The following PHLDB1 variants were observed in gnomAD, a reference collection of about 807,000 sequenced individuals.
The protein encoded by PHLDB1 is pleckstrin homology-like domain family B member 1.
Under a neutral mutation model 139.3 loss-of-function variants are expected in PHLDB1, and 65 were observed. The observed-to-expected ratio is 0.47, with a 90% CI of 0.38 to 0.57. The LOEUF is 0.57. Ranked by LOEUF, PHLDB1 falls within the 20% of genes least tolerant of loss-of-function variation. PHLDB1 has a pLI of 0.00. For missense variants in PHLDB1, 1,624 were observed against 1,839.7 expected, an observed-to-expected ratio of 0.88 and a Z score of 2.14; for synonymous variants, 679 against 734.5, an observed-to-expected ratio of 0.92 and a Z score of 1.22.
chr11:118,653,370 C>T (rs1356197572), intron 20 of PHLDB1: 7 of 152,096 alleles, frequency 4.6e-5, no homozygotes, highest in Admixed American at 2.6e-4. Context: ...GGAAGCCTTT[C>T]CTGACCCCAC....
At chr11:118,625,921 G>T (rs377017891) in intron 5 of PHLDB1, among the ~76,000 whole-genome samples, 2 of 152,116 alleles carry the variant, frequency 1.3e-5, no homozygotes, top group South Asian at 4.1e-4. Context: ...CAGTCCTCTG[G>T]GGGCTCAGAA....
At position 118,628,602 on chromosome 11, in the gene PHLDB1, C is replaced by T; in HGVS notation, c.1779C>T (p.His593=). The stretch of plus-strand genomic sequence containing the variant: ...ATGAGGACGACCTCCTGGAGTACCA[C>T]CGGCGACAGCGCCAAGAGCGGCTCC... ...SDNEDDLLEY[H]RRQRQERLRE... is the part of the protein sequence containing the mutation. Residue 593 remains histidine, a synonymous_variant, in exon 6 of 23, where the codon CAC becomes CAT. Coordinates refer to ENST00000600882, the MANE Select transcript of PHLDB1 (RefSeq NM_001144758.3). 1 of 1,612,372 alleles carries T rather than the reference C, an allele frequency of 6.2e-7. No homozygotes were observed. The highest frequency in any genetic ancestry group is 1.3e-5 in the African/African-American group (1 of 75,038).
intron 5 of PHLDB1, among the ~76,000 whole-genome samples, chr11:118,625,617 G>A (rs373552310): frequency 2.0e-5 from 3 of 152,314 alleles, no homozygotes; most frequent in South Asian, 4.1e-4. Context: ...CAGGAGGGGT[G>A]CAGACCAGGA....
In PHLDB1 at chr11:118,627,934, G is replaced by C; in HGVS notation, c.1111G>C (p.Ala371Pro). Reference sequence around the variant, plus strand: ...CCTGAGTGAATACCCAGCTTCTGGTGCTCTCAGTCAACCCACCAGCATTCC... The same window carrying C: ...CCTGAGTGAATACCCAGCTTCTGGTCCTCTCAGTCAACCCACCAGCATTCC... The part of the protein sequence containing the change: ...ISLSEYPASG[A>P]LSQPTSIPGS... Residue 371 changes from alanine to proline, a missense_variant, in exon 6 of 23, where the codon GCT becomes CCT. Ala to Pro is a conservative substitution (Grantham distance 27, BLOSUM62 -1). Transcript: ENST00000600882. 1 of 1,613,072 alleles carries C rather than the reference G, an allele frequency of 6.2e-7. No individual in the cohort carries two copies. Among genetic ancestry groups the C allele is most frequent in the Non-Finnish European group, 8.5e-7 (1 of 1,180,006 alleles).
At position 118,628,246 on chromosome 11, in the gene PHLDB1, C is replaced by T. The variant is rs1187861732; in HGVS notation, c.1423C>T (p.Arg475Trp). 7.4e-6 allele frequency: 12 copies of T among 1,614,018 alleles called. No homozygotes were observed. Among genetic ancestry groups the T allele is most frequent in the African/African-American group, 1.3e-5 (1 of 74,922 alleles). The part of the protein sequence containing the change: ...SRRALSPLPT[R>W]TTPDPKLNRE... ...GCGAGCTCTCTCCCCGCTGCCCACC[C>T]GGACCACCCCAGATCCCAAGCTAAA... is the stretch of plus-strand genomic sequence containing the variant. Residue 475 changes from arginine (R) to tryptophan (W), a missense_variant, in exon 6 of 23, where the codon CGG becomes TGG. Physicochemically the swap from Arg to Trp is moderately radical, Grantham distance 101. Transcript: ENST00000600882.
In PHLDB1 at chr11:118,642,405, C is replaced by T. The variant is rs202156058; in HGVS notation, c.2877+11C>T. On this transcript the variant is annotated intron_variant, in intron 13 of 22. Coordinates refer to ENST00000600882, the MANE Select transcript of PHLDB1 (RefSeq NM_001144758.3). ...TCCCGTCAGCTGCAGGTAACCCCTCCTTCACTGCCCGTCCTCCCCAGCCTT... is the reference window on the plus strand; with the variant it reads ...TCCCGTCAGCTGCAGGTAACCCCTCTTTCACTGCCCGTCCTCCCCAGCCTT... 1.4e-5 allele frequency: 22 copies of T among 1,604,886 alleles called. No individual in the cohort carries two copies. In the East Asian group the frequency reaches 4.9e-4, roughly 36 times the overall value.
rs1555117633 is a variant in PHLDB1 at position 118,638,927 on chromosome 11, A to T, written c.2572A>T (p.Ile858Phe). The change falls in exon 11 of 23, where the codon ATC (isoleucine) becomes TTC (phenylalanine). Residue 858 changes from isoleucine to phenylalanine, a missense_variant. By Grantham distance (21) the Ile-to-Phe change is conservative. Transcript: ENST00000600882. The part of the protein sequence containing the change: ...LAILDSQAGQ[I>F]RAQAVQESER... ...CATCCTGGACAGTCAGGCTGGGCAG[A>T]TCCGGGCTCAGGCCGTGCAGGAATC... The T allele has an allele frequency of 6.2e-7, 1 of 1,613,526 alleles. No individual in the cohort carries two copies. The highest frequency in any genetic ancestry group is 1.1e-5 in the South Asian group (1 of 90,954).
At chr11:118,627,087 G>A (rs532696949) in intron 5 of PHLDB1, 12 of 579,822 alleles carry the variant, frequency 2.1e-5, no homozygotes, top group South Asian at 6.9e-5. Flanking sequence ...AGGCCCTGCC[G>A]ATTCCCTTCC....
At position 118,632,379 on chromosome 11, in the gene PHLDB1, C is replaced by A. The variant is rs1178937189; in HGVS notation, c.2379+83C>A. On this transcript the variant is annotated intron_variant, in intron 9 of 22. Transcript: ENST00000600882. This position sits in a 1 kb window ranked among gnomAD's most constrained non-coding sequence, Gnocchi z 5.9. The stretch of plus-strand genomic sequence containing the variant: ...AAATGTCTTCTCTGGGGCCCTGTAC[C>A]CTTCACCTCATCATCCATTCTGCAG... The A allele has an allele frequency of 1.5e-6, 2 of 1,360,556 alleles. No homozygotes were observed. Among genetic ancestry groups the A allele is most frequent in the African/African-American group, 1.4e-5 (1 of 69,782 alleles). 84.3% of individuals were successfully genotyped at this position (1,360,556 alleles called of 1,614,324 possible).
chr11:118,634,880 C>A, intron 9 of PHLDB1: 1 of 398,708 alleles, frequency 2.5e-6, no homozygotes, highest in Admixed American at 2.9e-5. Flanking sequence ...TGTTCTGTTT[C>A]TCCCCTGTGC....
chr11:118,631,534 A>G, intron 7 of PHLDB1, 55 bp downstream of exon 7: 1 of 1,379,840 alleles, frequency 7.2e-7, no homozygotes. Flanking sequence ...TGCTGGGGGC[A>G]GAGGAGGCTG....
At chr11:118,649,560 G>T (rs1948060172) in intron 18 of PHLDB1, among the ~76,000 whole-genome samples, 1 of 152,144 alleles carries the variant, frequency 6.6e-6, no homozygotes, top group South Asian at 2.1e-4. Flanking sequence ...GGGACAGGAA[G>T]AGTAGAAAAA....
At chr11:118,647,879 G>C (rs1479590063) in intron 17 of PHLDB1, 51 bp from the exon 18 acceptor site, 1 of 1,539,182 alleles carries the variant, frequency 6.5e-7, no homozygotes, top group Non-Finnish European at 8.8e-7. Flanking sequence ...AAGAGGGCCA[G>C]TGGGGGGAAG....
In PHLDB1 at chr11:118,632,684, T is replaced by C. The variant is rs1555112299; in HGVS notation, c.2379+388T>C. The stretch of plus-strand genomic sequence containing the variant: ...TCTGGAGAACATCTCCCTCCAAGCA[T>C]GCCACAAGTGCTTACGTTGTGATCT... On this transcript the variant is annotated intron_variant, in intron 9 of 22. Transcript: ENST00000600882. This position sits in a 1 kb window ranked among gnomAD's most constrained non-coding sequence, Gnocchi z 5.9. The C allele has an allele frequency of 4.7e-6, 1 of 212,972 alleles. No individual in the cohort carries two copies. The highest frequency in any genetic ancestry group is 2.3e-5 in the African/African-American group (1 of 43,620). The allele number at this position is 212,972 out of a possible 1,614,324, so 13.2% of individuals were successfully genotyped here. A position where few individuals can be genotyped will look rare whatever the true frequency, so the allele number is the denominator to read the frequency against.
Position 118,614,646 on chromosome 11 carries a change from C to T in PHLDB1, c.148C>T (p.Leu50Phe). 6.2e-7 allele frequency: 1 copy of T among 1,613,942 alleles called. No homozygotes were observed. The highest frequency in any genetic ancestry group is 1.3e-5 in the African/African-American group (1 of 75,008). ...CCTGGTGAGCCTGGGCAGTGGGCGA[C>T]TCAGCACAGCCATCACCCTCCTGCC... ...PHLVSLGSGR[L>F]STAITLLPLE... The change falls in exon 3 of 23, where the codon CTC (leucine) becomes TTC (phenylalanine). Residue 50 changes from leucine to phenylalanine, a missense_variant. By Grantham distance (22) the Leu-to-Phe change is conservative. Coordinates refer to ENST00000600882, the MANE Select transcript of PHLDB1 (RefSeq NM_001144758.3).
At chr11:118,636,267 G>A (rs1432063796) in intron 10 of PHLDB1, among the ~76,000 whole-genome samples, 1 of 152,212 alleles carries the variant, frequency 6.6e-6, no homozygotes, top group Non-Finnish European at 1.5e-5. Flanking sequence ...ATGCACACAT[G>A]CATGTACATT....
rs1369617326 is a variant in PHLDB1 at position 118,620,798 on chromosome 11, A to G, written c.356-4136A>G. On this transcript the variant is annotated intron_variant, in intron 4 of 22. Coordinates refer to ENST00000600882, the MANE Select transcript of PHLDB1 (RefSeq NM_001144758.3). This position sits in a 1 kb window ranked among gnomAD's most constrained non-coding sequence, Gnocchi z 4.1. ...GACAGGAGGTGGGCTGAGTGCTTGC[A>G]TTGTACAGAGCACTGCTTTGGCCTG... Among the ~76,000 whole-genome samples, 2 of 152,112 alleles carry G rather than the reference A, an allele frequency of 1.3e-5. No homozygotes were observed. The highest frequency in any genetic ancestry group is 4.8e-5 in the African/African-American group (2 of 41,410).
At chr11:118,607,980 ACT>A (rs1436618152) in intron 1 of PHLDB1, among the ~76,000 whole-genome samples, 12 of 151,040 alleles carry the variant, frequency 7.9e-5, no homozygotes, top group Middle Eastern at 3.4e-3. Flanking sequence ...CCTTGGAGAA[ACT>A]CTGATCCTGG....
In PHLDB1 at chr11:118,616,217, G is replaced by C. The variant is rs782031425; in HGVS notation, c.355+6G>C. ...GCCTACCCGGCTCACTCAGGGTAAG[G>C]CTGGACACCTCCAGATGGAGGGGGC... On this transcript the variant is annotated splice_donor_region_variant and intron_variant, in intron 4 of 22. Coordinates refer to ENST00000600882, the MANE Select transcript of PHLDB1 (RefSeq NM_001144758.3). The C allele has an allele frequency of 2.5e-6, 4 of 1,613,106 alleles. No individual in the cohort carries two copies. The highest frequency in any genetic ancestry group is 3.4e-6 in the Non-Finnish European group (4 of 1,179,660).
Sources: gnomAD v4.1 joint callset for allele counts (sites outside exome capture counted in the v4.1 genomes callset) on GRCh38, gnomAD v4.1.1 for gene constraint, Gnocchi (gnomAD v3.1) non-coding constraint, MANE v1.5 for transcripts, NCBI Gene and HGNC (gene_info 2026-07-23, HGNC 2026-07-21) for gene names.